Variants in ACAP2 observed in about 807,000 individuals in gnomAD.
ACAP2 encodes the protein ArfGAP with coiled-coil, ankyrin repeat and PH domains 2.
ACAP2 carries 39 observed loss-of-function variants against 115.8 expected under a neutral mutation model. The ratio of observed to expected loss-of-function variants is 0.34; its 90% CI spans 0.26 to 0.44. The LOEUF (loss-of-function observed/expected upper bound fraction) is 0.44, where lower values mean the gene tolerates loss of function less well. Among genes scored for constraint, ACAP2 ranks in the 20% least tolerant of loss-of-function variants. The probability of loss-of-function intolerance (pLI) is 1.00; values close to 1 mark genes in which losing one functional copy is unlikely to be tolerated. For missense variants in ACAP2, 662 were observed against 927.6 expected (o/e 0.71, Z 3.72); for synonymous variants, 289 against 315.8 (o/e 0.92, Z 0.90).
chr3:195,398,144 T>C (rs947960797), intron 1 of ACAP2, among the ~76,000 whole-genome samples: 5 of 152,126 alleles, frequency 3.3e-5, no homozygotes, highest in Non-Finnish European at 7.3e-5. Context: ...ATATGACATA[T>C]AAAATGATGA....
chr3:195,433,665 AT>A (rs1715312103), intron 1 of ACAP2, among the ~76,000 whole-genome samples: 1 of 152,082 alleles, frequency 6.6e-6, no homozygotes. Flanking sequence ...TGAGTGTTAG[AT>A]TTTGTCAAAT....
chr3:195,381,331 C>T (rs1160761953), intron 3 of ACAP2, among the ~76,000 whole-genome samples: 2 of 152,026 alleles, frequency 1.3e-5, no homozygotes. Flanking sequence ...AAATATAAAC[C>T]TAAGGTAAAA....
intron 1 of ACAP2, among the ~76,000 whole-genome samples, chr3:195,424,793 T>C (rs929063525): frequency 6.6e-6 from 1 of 151,238 alleles, no homozygotes; most frequent in Admixed American, 6.6e-5. Flanking sequence ...GACACACACC[T>C]GCAGTCCCAG....
At chr3:195,332,336 A>C (rs1205022996) in intron 8 of ACAP2, among the ~76,000 whole-genome samples, 1 of 152,138 alleles carries the variant, frequency 6.6e-6, no homozygotes, top group Non-Finnish European at 1.5e-5. Context: ...CAATTATCCA[A>C]ATGTATAAAA....
intron 15 of ACAP2, among the ~76,000 whole-genome samples, chr3:195,300,116 G>A (rs918856516): frequency 1.3e-4 from 19 of 146,006 alleles, no homozygotes; most frequent in Admixed American, 1.2e-3. Context: ...GTGCGATCTC[G>A]GCTCACTGCA....
At chr3:195,293,240 C>T (rs920567396) in intron 18 of ACAP2, among the ~76,000 whole-genome samples, 5 of 152,146 alleles carry the variant, frequency 3.3e-5, no homozygotes, top group African/African-American at 1.2e-4. Context: ...TAGACCAAAC[C>T]TCACTTCATT....
chr3:195,410,225 A>C (rs1713146542), intron 1 of ACAP2, among the ~76,000 whole-genome samples: 1 of 152,216 alleles, frequency 6.6e-6, no homozygotes, highest in Non-Finnish European at 1.5e-5. Context: ...CCACATGCAA[A>C]AGAATGAAGA....
intron 9 of ACAP2, chr3:195,325,497 T>C (rs1318893818): frequency 4.9e-6 from 2 of 411,298 alleles, no homozygotes; most frequent in South Asian, 1.8e-5. Context: ...TCAGTATTCA[T>C]AATAAGCAAA....
At chr3:195,314,351 C>T (rs1728955985) in intron 10 of ACAP2, among the ~76,000 whole-genome samples, 1 of 152,058 alleles carries the variant, frequency 6.6e-6, no homozygotes, top group South Asian at 2.1e-4. Flanking sequence ...ACTGCAACCT[C>T]TGCCTCCCTG....
intron 1 of ACAP2, among the ~76,000 whole-genome samples, chr3:195,401,753 A>G (rs1712320447): frequency 6.6e-6 from 1 of 152,190 alleles, no homozygotes; most frequent in South Asian, 2.1e-4. Flanking sequence ...GAATCACAGA[A>G]TCTTGAATGG....
chr3:195,434,087 C>T (rs139520773), intron 1 of ACAP2, among the ~76,000 whole-genome samples: 1 of 152,078 alleles, frequency 6.6e-6, no homozygotes, highest in Admixed American at 6.6e-5. Context: ...TACCACCACA[C>T]ACAACTAATT....
chr3:195,369,187 T>A (rs796796620), intron 4 of ACAP2, among the ~76,000 whole-genome samples: 2 of 152,226 alleles, frequency 1.3e-5, no homozygotes, highest in African/African-American at 2.4e-5. Context: ...AACATTTTTT[T>A]AAATCTGATT....
At chr3:195,280,528 GGTTT>G (rs1215360284) in intron 22 of ACAP2, among the ~76,000 whole-genome samples, 10 of 151,810 alleles carry the variant, frequency 6.6e-5, no homozygotes, top group African/African-American at 2.4e-4. Flanking sequence ...TTAAAAGTTG[GGTTT>G]GTTTTTGTTT....
intron 4 of ACAP2, among the ~76,000 whole-genome samples, chr3:195,366,393 C>G (rs1015536159): frequency 1.3e-5 from 2 of 152,208 alleles, no homozygotes; most frequent in Non-Finnish European, 1.5e-5. Context: ...ATTGAAATAA[C>G]TTGGGCAACT....
At chr3:195,307,899 G>C (rs887331888) in intron 11 of ACAP2, among the ~76,000 whole-genome samples, 4 of 152,140 alleles carry the variant, frequency 2.6e-5, no homozygotes, top group African/African-American at 9.7e-5. Context: ...AACCAAGCAA[G>C]TAAAATTTCA....
chr3:195,374,279 A>C (rs1733368381), intron 4 of ACAP2, among the ~76,000 whole-genome samples: 1 of 152,016 alleles, frequency 6.6e-6, no homozygotes, highest in South Asian at 2.1e-4. Flanking sequence ...AGTCTCACCT[A>C]CTAGGGAGGC....
intron 1 of ACAP2, among the ~76,000 whole-genome samples, chr3:195,399,482 C>T (rs989079126): frequency 1.3e-5 from 2 of 151,938 alleles, no homozygotes; most frequent in African/African-American, 2.4e-5. Context: ...TAACACTTGG[C>T]CAGAAAAAAA....
intron 18 of ACAP2, among the ~76,000 whole-genome samples, chr3:195,292,657 C>A (rs1440212799): frequency 6.6e-6 from 1 of 152,112 alleles, no homozygotes; most frequent in Non-Finnish European, 1.5e-5. Context: ...CACGGTGGCT[C>A]ACGCCTGCAA....
At chr3:195,435,965 C>G (rs1379049347) in intron 1 of ACAP2, among the ~76,000 whole-genome samples, 1 of 151,978 alleles carries the variant, frequency 6.6e-6, no homozygotes, top group African/African-American at 2.4e-5. Flanking sequence ...ACTATGATTG[C>G]TGAATTGTCT....
Sources: gnomAD v4.1 joint callset for allele counts (sites outside exome capture counted in the v4.1 genomes callset) on GRCh38, gnomAD v4.1.1 for gene constraint, MANE v1.5 for transcripts, NCBI Gene and HGNC (gene_info 2026-07-23, HGNC 2026-07-21) for gene names.